The following TBX18 variants were observed in gnomAD, a reference collection of about 807,000 sequenced individuals.
TBX18 encodes the protein T-box transcription factor 18.
TBX18 carries 21 observed loss-of-function variants against 55.0 expected under a neutral mutation model. That is an observed-to-expected ratio of 0.38 (90% confidence interval 0.27 to 0.55). The LOEUF is 0.55. Among genes scored for constraint, TBX18 ranks in the 20% least tolerant of loss-of-function variants. The probability of loss-of-function intolerance (pLI) is 0.73; values close to 1 mark genes in which losing one functional copy is unlikely to be tolerated. For missense variants in TBX18, 840 were observed against 799.6 expected, an observed-to-expected ratio of 1.05 and a Z score of -0.61; for synonymous variants, 342 against 326.1, an observed-to-expected ratio of 1.05 and a Z score of -0.53.
At chr6:84,762,794 G>C in intron 1 of TBX18, 46 bp from the exon 2 acceptor site, 1 of 1,548,000 alleles carries the variant, frequency 6.5e-7, no homozygotes, top group Non-Finnish European at 8.7e-7. Context: ...GGGAAACAGA[G>C]GGGAAGCCAG....
intron 6 of TBX18, among the ~76,000 whole-genome samples, chr6:84,743,270 T>TG (rs1767093498): frequency 6.6e-6 from 1 of 152,152 alleles, no homozygotes. Context: ...TGACATCACA[T>TG]CTCTGCAAGA....
At chr6:84,755,872 T>C (rs1383141871) in intron 4 of TBX18, among the ~76,000 whole-genome samples, 2 of 152,268 alleles carry the variant, frequency 1.3e-5, no homozygotes, top group African/African-American at 4.8e-5. Flanking sequence ...TTTTAAAAGA[T>C]ATTCTCATAA....
Position 84,732,845 on chromosome 6 carries a change from TAAAC to T in TBX18, c.*3836_*3839del, listed in dbSNP as rs1773841114. 6.6e-6 allele frequency: 1 copy of T among 151,470 alleles called. No homozygotes were observed. Among genetic ancestry groups the T allele is most frequent in the Non-Finnish European group, 1.5e-5 (1 of 67,866 alleles). 9.4% of individuals were successfully genotyped at this position (151,470 alleles called of 1,614,324 possible). A position where few individuals can be genotyped will look rare whatever the true frequency, so the allele number is the denominator to read the frequency against. ...GTATATATATATATATATCCAAAAA[TAAAC>T]AGAATATATTCCAAAAGATATAATA... On this transcript the variant is annotated 3_prime_UTR_variant, in exon 8 of 8. Transcript: ENST00000369663.
rs917733334 is a variant in TBX18 at position 84,744,121 on chromosome 6, T to C, written c.1004+140A>G. 9.2e-6 allele frequency: 7 copies of C among 757,008 alleles called. No individual in the cohort carries two copies. The African/African-American group carries it at 1.1e-4, about 12-fold the overall frequency. 46.9% of individuals were successfully genotyped at this position (757,008 alleles called of 1,614,324 possible). On this transcript the variant is annotated intron_variant, in intron 6 of 7. Transcript: ENST00000369663. ...ACCATTACACTACAAAAATAAGTTATCTCCGAGGCACAACAGTCCTCATCA... is the reference window on the plus strand; with the variant it reads ...ACCATTACACTACAAAAATAAGTTACCTCCGAGGCACAACAGTCCTCATCA...
intron 4 of TBX18, among the ~76,000 whole-genome samples, chr6:84,750,457 C>G (rs145124279): frequency 6.6e-6 from 1 of 152,108 alleles, no homozygotes; most frequent in Non-Finnish European, 1.5e-5. Flanking sequence ...CTATTTACCG[C>G]CCTCCAATTA....
rs1773938689 is a variant in TBX18, at chr6:84,736,282, T to C, written c.*403A>G. 1 of 153,674 alleles carries C rather than the reference T, an allele frequency of 6.5e-6. No individual in the cohort carries two copies. Among genetic ancestry groups the C allele is most frequent in the South Asian group, 2.1e-4 (1 of 4,834 alleles). The allele number at this position is 153,674 out of a possible 1,614,324, so 9.5% of individuals were successfully genotyped here. A position where few individuals can be genotyped will look rare whatever the true frequency, so the allele number is the denominator to read the frequency against. On this transcript the variant is annotated 3_prime_UTR_variant, in exon 8 of 8. Transcript: ENST00000369663. ...CATGCTGGTTACTGCTGGTTATCAATACATCAAGTATGAAACCGTTTAGAG... is the reference window on the plus strand; with the variant it reads ...CATGCTGGTTACTGCTGGTTATCAACACATCAAGTATGAAACCGTTTAGAG...
intron 3 of TBX18, among the ~76,000 whole-genome samples, chr6:84,759,775 A>G (rs1362987209): frequency 6.6e-6 from 1 of 152,046 alleles, no homozygotes; most frequent in African/African-American, 2.4e-5. Context: ...TTACTTGTAG[A>G]AAACCTTAAA....
chr6:84,749,779 G>T (rs192398535), intron 4 of TBX18, among the ~76,000 whole-genome samples: 1 of 152,096 alleles, frequency 6.6e-6, no homozygotes, highest in East Asian at 1.9e-4. Flanking sequence ...GTTGCAACCA[G>T]AAATTTTTTA....
intron 4 of TBX18, among the ~76,000 whole-genome samples, chr6:84,754,340 G>C (rs1767430135): frequency 6.6e-6 from 1 of 152,144 alleles, no homozygotes; most frequent in Admixed American, 6.6e-5. Context: ...TCCTCCTCTA[G>C]TATCAAGTAA....
At chr6:84,744,235 C>T in intron 6 of TBX18, 26 bp downstream of exon 6, 1 of 1,587,048 alleles carries the variant, frequency 6.3e-7, no homozygotes, top group Non-Finnish European at 8.6e-7. Context: ...TTTATCATAA[C>T]CGGAATGGTC....
At chr6:84,740,376 C>A (rs1216183135) in intron 6 of TBX18, among the ~76,000 whole-genome samples, 4 of 152,170 alleles carry the variant, frequency 2.6e-5, no homozygotes, top group African/African-American at 9.7e-5. Context: ...TTCAGTTTCT[C>A]ACAAAGAAAG....
chr6:84,763,793 G>A (rs1488741308), intron 1 of TBX18, 97 bp downstream of exon 1: 11 of 1,423,250 alleles, frequency 7.7e-6, no homozygotes, highest in African/African-American at 6.0e-5. Context: ...GAGTGGCCTT[G>A]GCCATGTAGG....
In TBX18 at chr6:84,762,689, G is replaced by A; in HGVS notation, c.352C>T (p.Pro118Ser). ...AGGGAGCGCGCCGGAGACCCCTTGG[G>A]GGAGCCTCCCGGTGACGCCAGAGGG... ...ASPLASPGGS[P>S]KGSPARSLAR... Residue 118 changes from proline to serine, a missense_variant, in exon 2 of 8, where the codon CCC (proline) becomes TCC (serine). Physicochemically the swap from Pro to Ser is moderately conservative, Grantham distance 74 (BLOSUM62 -1). Transcript: ENST00000369663. 1 of 1,611,032 alleles carries A rather than the reference G, an allele frequency of 6.2e-7. No homozygotes were observed. Among genetic ancestry groups the A allele is most frequent in the South Asian group, 1.1e-5 (1 of 90,914 alleles).
rs890027291 is a variant in TBX18, at chr6:84,764,069, C to A, written c.113G>T (p.Arg38Leu). Reference protein sequence around the residue: ...AEKQQQLQKKRRKLGAEEAAG... With the variant: ...AEKQQQLQKKLRKLGAEEAAG... ...CGCCTCTTCGGCGCCCAGTTTTCGC[C>A]GCTTCTTCTGAAGCTGTTGCTGCTT... Residue 38 changes from arginine (R) to leucine (L), a missense_variant, in exon 1 of 8, where the codon CGG becomes CTG. By Grantham distance (102) the Arg-to-Leu change is moderately radical. Coordinates refer to ENST00000369663, the MANE Select transcript of TBX18 (RefSeq NM_001080508.3). 3.8e-6 allele frequency: 6 copies of A among 1,577,298 alleles called. No homozygotes were observed. In the African/African-American group the frequency reaches 8.1e-5, roughly 21 times the overall value.
chr6:84,754,482 TAAAAGA>T (rs1330451062), intron 4 of TBX18, among the ~76,000 whole-genome samples: 1 of 152,138 alleles, frequency 6.6e-6, no homozygotes, highest in Non-Finnish European at 1.5e-5. Context: ...GCTACAACCT[TAAAAGA>T]AAAATTTCAG....
At chr6:84,761,621 G>C (rs1169272685) in intron 2 of TBX18, among the ~76,000 whole-genome samples, 2 of 152,160 alleles carry the variant, frequency 1.3e-5, no homozygotes, top group Admixed American at 6.5e-5. Context: ...CTCCCTGAAA[G>C]AGTTGTGTGT....
chr6:84,756,682 G>A lies in TBX18; in HGVS notation c.771+16C>T. 1 of 1,610,492 alleles carries A rather than the reference G, an allele frequency of 6.2e-7. No individual in the cohort carries two copies. Among genetic ancestry groups the A allele is most frequent in the Non-Finnish European group, 8.5e-7 (1 of 1,177,544 alleles). ...CTGTGCCATCTACAGATGCATTAGA[G>A]AGGCCATCTACTCACATGGCCTTGG... On this transcript the variant is annotated intron_variant, in intron 4 of 7. Coordinates refer to ENST00000369663, the MANE Select transcript of TBX18 (RefSeq NM_001080508.3).
intron 2 of TBX18, among the ~76,000 whole-genome samples, chr6:84,761,334 A>G (rs1202289472): frequency 2.0e-5 from 3 of 152,188 alleles, no homozygotes; most frequent in Admixed American, 6.5e-5. Flanking sequence ...CTAGAAAAAA[A>G]TAAAGTCTAT....
At chr6:84,757,573 C>T (rs1416569985) in intron 3 of TBX18, among the ~76,000 whole-genome samples, 1 of 151,898 alleles carries the variant, frequency 6.6e-6, no homozygotes, top group African/African-American at 2.4e-5. Context: ...AATCATTTTT[C>T]AAATATTGCT....
Sources: gnomAD v4.1 joint callset for allele counts (sites outside exome capture counted in the v4.1 genomes callset) on GRCh38, gnomAD v4.1.1 for gene constraint, MANE v1.5 for transcripts, NCBI Gene and HGNC (gene_info 2026-07-23, HGNC 2026-07-21) for gene names.